CR1: variants seen among roughly 807,000 people sequenced by gnomAD.
CR1 encodes complement receptor type 1.
Under a neutral mutation model 187.3 loss-of-function variants are expected in CR1, and 116 were observed. That is an observed-to-expected ratio of 0.62 (90% confidence interval 0.53 to 0.72). The LOEUF (loss-of-function observed/expected upper bound fraction) is 0.72. Among genes scored for constraint, CR1 ranks in the 30% least tolerant of loss-of-function variants. The pLI is 0.00. For synonymous variants in CR1, 576 were observed against 747.1 expected, an observed-to-expected ratio of 0.77 and a Z score of 3.73; for missense variants, 1,731 against 2,110.7, an observed-to-expected ratio of 0.82 and a Z score of 3.52.
chr1:207,630,483 A>C, intron 45 of CR1, 34 bp from the exon 46 acceptor site: 2 of 1,362,374 alleles, frequency 1.5e-6, no homozygotes, highest in Non-Finnish European at 2.0e-6. Flanking sequence ...TAAATGATTA[A>C]GACAGTTTTT....
rs764995932 is a variant in CR1 at position 207,623,084 on chromosome 1, T to C, written c.7352+16T>C. 8 of 1,534,408 alleles carry C rather than the reference T, an allele frequency of 5.2e-6. No homozygotes were observed. The South Asian group carries it at 7.1e-5, about 14-fold the overall frequency. The stretch of plus-strand genomic sequence containing the variant: ...ACAGAAAAGGGTAAGTATAGCCATA[T>C]TATCCCAAGAAATGTAAACTGTACT... On this transcript the variant is annotated intron_variant, in intron 45 of 46. Coordinates refer to ENST00000367049, the MANE Select transcript of CR1 (RefSeq NM_000651.6).
chr1:207,613,479 T>C (rs1352616534), intron 39 of CR1, among the ~76,000 whole-genome samples: 1 of 152,158 alleles, frequency 6.6e-6, no homozygotes, highest in Non-Finnish European at 1.5e-5. Flanking sequence ...AGAGAGGTTC[T>C]CAAACCAGTC....
intron 5 of CR1, 40 bp from the exon 6 acceptor site, chr1:207,526,713 T>G: frequency 1.3e-6 from 2 of 1,491,666 alleles, no homozygotes; most frequent in Non-Finnish European, 1.8e-6. Flanking sequence ...AAAAAAGTTG[T>G]TTTCACACAA....
At chr1:207,508,599 A>C (rs1258879509) in intron 3 of CR1, among the ~76,000 whole-genome samples, 1 of 152,206 alleles carries the variant, frequency 6.6e-6, no homozygotes, top group Non-Finnish European at 1.5e-5. Flanking sequence ...TCAATATCTT[A>C]ATGTTGATGT....
intron 45 of CR1, among the ~76,000 whole-genome samples, chr1:207,625,639 A>T (rs1248837021): frequency 6.6e-6 from 1 of 152,194 alleles, no homozygotes; most frequent in Non-Finnish European, 1.5e-5. Flanking sequence ...TCTCCCCAAG[A>T]ACACAGGGGC....
At chr1:207,622,661 A>G (rs944942000) in intron 44 of CR1, among the ~76,000 whole-genome samples, 1 of 152,236 alleles carries the variant, frequency 6.6e-6, no homozygotes, top group Non-Finnish European at 1.5e-5. Context: ...TATTTTCACA[A>G]TGAAATGCCT....
chr1:207,599,440 C>G (rs751122860), intron 35 of CR1, among the ~76,000 whole-genome samples: 31 of 152,198 alleles, frequency 2.0e-4, no homozygotes, highest in Non-Finnish European at 4.0e-4. Flanking sequence ...AAAAATCTTA[C>G]ACTATCCACA....
At chr1:207,507,639 G>C (rs1170741434) in intron 3 of CR1, 1 of 152,220 alleles carries the variant, frequency 6.6e-6, no homozygotes, top group East Asian at 1.9e-4. Flanking sequence ...TATATTTCGG[G>C]GTAAGGGGGA....
At chr1:207,604,881 C>T (rs749025903) in intron 35 of CR1, among the ~76,000 whole-genome samples, 1 of 151,986 alleles carries the variant, frequency 6.6e-6, no homozygotes, top group Non-Finnish European at 1.5e-5. Context: ...GAGATTTGGT[C>T]AAAGGGCGCA....
chr1:207,573,559 GA>G (rs1660643312), intron 27 of CR1, among the ~76,000 whole-genome samples: 1 of 151,636 alleles, frequency 6.6e-6, no homozygotes, highest in Non-Finnish European at 1.5e-5. Flanking sequence ...AAAATCAGGA[GA>G]AATTTTACAA....
intron 3 of CR1, among the ~76,000 whole-genome samples, chr1:207,508,213 G>A (rs1659504812): frequency 1.3e-5 from 2 of 152,162 alleles, no homozygotes; most frequent in Non-Finnish European, 2.9e-5. Context: ...TGCCATAACA[G>A]TAGGTACATG....
intron 45 of CR1, among the ~76,000 whole-genome samples, chr1:207,627,997 T>C (rs1459838244): frequency 6.6e-6 from 1 of 152,160 alleles, no homozygotes; most frequent in East Asian, 1.9e-4. Flanking sequence ...TTCTCAAAGG[T>C]CTCACCTTTG....
chr1:207,608,991 A>G (rs1220009428), intron 36 of CR1, among the ~76,000 whole-genome samples: 1 of 152,216 alleles, frequency 6.6e-6, no homozygotes, highest in Non-Finnish European at 1.5e-5. Flanking sequence ...GTCCAGCAAT[A>G]GATAAGTACC....
In CR1 at chr1:207,616,644, C is replaced by T; in HGVS notation, c.6731C>T (p.Pro2244Leu). ...RHTGTPFGDI[P>L]YGKEISYACD... ...ACAGGAACTCCCTTTGGAGATATTCCCTATGGAAAAGAAATATCTTACGCA... is the reference window on the plus strand; with the variant it reads ...ACAGGAACTCCCTTTGGAGATATTCTCTATGGAAAAGAAATATCTTACGCA... The change falls in exon 41 of 47, where the codon CCC (proline) becomes CTC (leucine). Residue 2244 changes from proline to leucine, a missense_variant. By Grantham distance (98) the Pro-to-Leu change is moderately conservative. This residue lies in a region of CR1 where 1,312 missense variants were observed against 1,379.6 expected (regional missense o/e 0.95). Coordinates refer to ENST00000367049, the MANE Select transcript of CR1 (RefSeq NM_000651.6). 3 of 1,613,764 alleles carry T rather than the reference C, an allele frequency of 1.9e-6. No individual in the cohort carries two copies. The highest frequency in any genetic ancestry group is 2.5e-6 in the Non-Finnish European group (3 of 1,179,742).
intron 41 of CR1, 32 bp from the exon 42 acceptor site, chr1:207,618,039 T>C (rs1309955470): frequency 1.2e-6 from 2 of 1,601,622 alleles, no homozygotes; most frequent in Non-Finnish European, 1.7e-6. Context: ...CTGAGTGTCT[T>C]TTCTTGTGTT....
chr1:207,614,800 G>T (rs1470119696), intron 40 of CR1, among the ~76,000 whole-genome samples: 1 of 152,002 alleles, frequency 6.6e-6, no homozygotes, highest in Non-Finnish European at 1.5e-5. Flanking sequence ...TATCAAGGAG[G>T]AATCTTTCTT....
At position 207,563,893 on chromosome 1, in the gene CR1, G is replaced by A; in HGVS notation, c.3616G>A (p.Ala1206Thr). ...TCAGCCACCTCCAGATGTCCTGCAT[G>A]CTGAGCGTACCCAAAGGGACAAGGA... ...VCQPPPDVLHAERTQRDKDNF... is the reference protein window; with the variant it reads ...VCQPPPDVLHTERTQRDKDNF... Residue 1206 changes from alanine (A) to threonine (T), a missense_variant, in exon 22 of 47, where the codon GCT becomes ACT. Coordinates refer to ENST00000367049, the MANE Select transcript of CR1 (RefSeq NM_000651.6). 1 of 1,481,700 alleles carries A rather than the reference G, an allele frequency of 6.7e-7. No homozygotes were observed. The highest frequency in any genetic ancestry group is 8.8e-7 in the Non-Finnish European group (1 of 1,130,732). The allele number at this position is 1,481,700 out of a possible 1,614,324, so 91.8% of individuals were successfully genotyped here.
chr1:207,566,124 T>A (rs1160334140), intron 24 of CR1, among the ~76,000 whole-genome samples: 1 of 150,482 alleles, frequency 6.6e-6, no homozygotes, highest in African/African-American at 2.5e-5. Flanking sequence ...TCTGTCCTTC[T>A]GCATTCTCTG....
At chr1:207,505,831 G>T in intron 1 of CR1, 73 bp from the exon 2 acceptor site, 1 of 1,515,688 alleles carries the variant, frequency 6.6e-7, no homozygotes, top group Non-Finnish European at 8.9e-7. Flanking sequence ...GCCAGTCTCC[G>T]TCTCAAAAAA....
Sources: gnomAD v4.1 joint callset for allele counts (sites outside exome capture counted in the v4.1 genomes callset) on GRCh38, gnomAD v4.1.1 for gene constraint, gnomAD v4.1.1 regional missense constraint, MANE v1.5 for transcripts, NCBI Gene and HGNC (gene_info 2026-07-23, HGNC 2026-07-21) for gene names.